Variants in SLC25A26 observed in about 807,000 individuals in gnomAD.
SLC25A26 encodes mitochondrial S-adenosylmethionine carrier protein.
A neutral mutation model predicts 37.8 loss-of-function variants in SLC25A26; 36 were observed. The observed-to-expected ratio is 0.95, with a 90% CI of 0.73 to 1.26. SLC25A26 has a LOEUF of 1.26. Ranked by LOEUF, SLC25A26 falls within the 50% of genes most tolerant of loss-of-function variation. The pLI, the probability that SLC25A26 is intolerant of heterozygous loss-of-function variation, is 0.00. For missense variants in SLC25A26, 390 were observed against 331.1 expected, an observed-to-expected ratio of 1.18 and a Z score of -1.38; for synonymous variants, 129 against 122.5, an observed-to-expected ratio of 1.05 and a Z score of -0.35.
At chr3:66,145,473 G>C (rs916506540) in intron 1 of SLC25A26, among the ~76,000 whole-genome samples, 2 of 152,206 alleles carry the variant, frequency 1.3e-5, no homozygotes, top group Non-Finnish European at 2.9e-5. Context: ...CCATGCAAGG[G>C]AGTCTAGTTA....
At chr3:66,198,383 AG>A (rs1406577303) in intron 1 of SLC25A26, among the ~76,000 whole-genome samples, 10 of 152,016 alleles carry the variant, frequency 6.6e-5, no homozygotes, top group African/African-American at 1.9e-4. Flanking sequence ...AGTGAATGTC[AG>A]GGACATAGTG....
intron 1 of SLC25A26, among the ~76,000 whole-genome samples, chr3:66,206,759 G>A (rs961249644): frequency 2.7e-5 from 4 of 149,440 alleles, no homozygotes; most frequent in Non-Finnish European, 4.4e-5. Context: ...CTGGGGTGTA[G>A]TGGCATGCAC....
At chr3:66,278,535 T>C (rs1373688556) in intron 5 of SLC25A26, among the ~76,000 whole-genome samples, 6 of 152,162 alleles carry the variant, frequency 3.9e-5, no homozygotes, top group Non-Finnish European at 8.8e-5. Context: ...TTTTAAAATT[T>C]GTCAGTAGAT....
At position 66,364,964 on chromosome 3, in the gene SLC25A26, C is replaced by A. The variant is rs2076794319; in HGVS notation, c.568+2035C>A. Among the ~76,000 whole-genome samples the A allele has an allele frequency of 2.0e-5, 3 of 152,086 alleles. 1 individual carries two copies. In the East Asian group the frequency reaches 5.8e-4, roughly 29 times the overall value. On this transcript the variant is annotated intron_variant, in intron 7 of 9. Coordinates refer to ENST00000354883, the MANE Select transcript of SLC25A26 (RefSeq NM_001379210.1). ...AGATAAATAGATTGCTTATTTATAT[C>A]CCTTATTTTGAAATTTTATTTGGTA...
intron 1 of SLC25A26, among the ~76,000 whole-genome samples, chr3:66,188,008 A>G (rs1657925758): frequency 6.6e-6 from 1 of 151,928 alleles, no homozygotes; most frequent in African/African-American, 2.4e-5. Context: ...CACTATTACC[A>G]TGTCTCTGAC....
chr3:66,314,097 T>A (rs1440420175), intron 5 of SLC25A26, among the ~76,000 whole-genome samples: 1 of 152,134 alleles, frequency 6.6e-6, no homozygotes, highest in Non-Finnish European at 1.5e-5. Flanking sequence ...CTCTTCTTGT[T>A]TGAATCCTTT....
chr3:66,291,567 T>C (rs902293051), intron 5 of SLC25A26, among the ~76,000 whole-genome samples: 7 of 152,334 alleles, frequency 4.6e-5, no homozygotes, highest in African/African-American at 1.7e-4. Context: ...TTGTAACCAG[T>C]AGTCATTCAG....
intron 1 of SLC25A26, among the ~76,000 whole-genome samples, chr3:66,157,666 C>T (rs996377219): frequency 9.2e-5 from 14 of 152,210 alleles, no homozygotes; most frequent in Admixed American, 6.5e-4. Context: ...AGCCCTATCT[C>T]TTGTACATAG....
chr3:66,227,135 C>A (rs921210567), intron 1 of SLC25A26, among the ~76,000 whole-genome samples: 1 of 152,154 alleles, frequency 6.6e-6, no homozygotes, highest in African/African-American at 2.4e-5. Flanking sequence ...TCGTTTAATG[C>A]GAAGACTTGC....
At position 66,236,714 on chromosome 3, in the gene SLC25A26, T is replaced by G. The variant is rs1428409304; in HGVS notation, c.190+14T>G. 35 of 1,493,202 alleles carry G rather than the reference T, an allele frequency of 2.3e-5. No homozygotes were observed. Among genetic ancestry groups the G allele is most frequent in the Non-Finnish European group, 2.9e-5 (32 of 1,114,768 alleles). The allele number at this position is 1,493,202 out of a possible 1,614,324, so 92.5% of individuals were successfully genotyped here. A position where few individuals can be genotyped will look rare whatever the true frequency, so the allele number is the denominator to read the frequency against. On this transcript the variant is annotated intron_variant, in intron 2 of 9. Transcript: ENST00000354883. ...CCTTTCCTAATGGTAAAAAATTATA[T>G]TCTCACTTCTGTAAAGCCAAGATAA...
chr3:66,367,582 G>A (rs1218943303), intron 7 of SLC25A26, among the ~76,000 whole-genome samples: 1 of 152,148 alleles, frequency 6.6e-6, no homozygotes, highest in East Asian at 1.9e-4. Flanking sequence ...AACCAAATCT[G>A]TTATTTTGGT....
At chr3:66,309,382 G>T (rs1444528986) in intron 5 of SLC25A26, among the ~76,000 whole-genome samples, 1 of 151,878 alleles carries the variant, frequency 6.6e-6, no homozygotes, top group Non-Finnish European at 1.5e-5. Context: ...TTTTTATTGT[G>T]TCTATTTGAT....
intron 1 of SLC25A26, among the ~76,000 whole-genome samples, chr3:66,170,223 T>C (rs528116209): frequency 6.6e-6 from 1 of 152,354 alleles, no homozygotes; most frequent in South Asian, 2.1e-4. Flanking sequence ...GCAGGAAATA[T>C]ATTTTGAAAA....
chr3:66,140,393 C>T (rs1278864647), intron 1 of SLC25A26, among the ~76,000 whole-genome samples: 1 of 152,100 alleles, frequency 6.6e-6, no homozygotes, highest in Admixed American at 6.5e-5. Flanking sequence ...GACAGCTAGA[C>T]TAGGAGAGGG....
At position 66,188,505 on chromosome 3, in the gene SLC25A26, G is replaced by A. The variant is rs996202717; in HGVS notation, c.-353-32237G>A. 1.3e-3 allele frequency among the ~76,000 whole-genome samples: 200 copies of A among 152,066 alleles called. 1 individual carries two copies. The highest frequency in any genetic ancestry group is 8.5e-4 in the Non-Finnish European group (58 of 67,984). Reference sequence around the variant, plus strand: ...GAGATCTGGTTGTTAAAAGGAGCCCGGTACCTCCCCTTCTACTCTCCCTCA... The same window carrying A: ...GAGATCTGGTTGTTAAAAGGAGCCCAGTACCTCCCCTTCTACTCTCCCTCA... On this transcript the variant is annotated intron_variant, in intron 1 of 10. Transcript: ENST00000676754.
chr3:66,228,565 C>T (rs1553661816), intron 1 of SLC25A26, among the ~76,000 whole-genome samples: 1 of 152,154 alleles, frequency 6.6e-6, no homozygotes, highest in Admixed American at 6.5e-5. Context: ...CATTTGTTGG[C>T]CTTTGCTGTG....
At chr3:66,294,699 A>C (rs924579052) in intron 5 of SLC25A26, among the ~76,000 whole-genome samples, 7 of 152,236 alleles carry the variant, frequency 4.6e-5, no homozygotes, top group Admixed American at 3.9e-4. Flanking sequence ...TTTTAAAAAA[A>C]TTCATGTAGC....
intron 2 of SLC25A26, among the ~76,000 whole-genome samples, chr3:66,240,391 G>C (rs144092126): frequency 0.042 from 6,376 of 152,212 alleles, 456 homozygotes; most frequent in African/African-American, 0.15. Context: ...CCAGGCTCAG[G>C]TGATCCTCCC....
chr3:66,250,754 G>A (rs531626110), intron 3 of SLC25A26, among the ~76,000 whole-genome samples: 20 of 152,218 alleles, frequency 1.3e-4, no homozygotes, highest in Admixed American at 1.0e-3. Context: ...TCTCCGGACT[G>A]GGGTAGATGG....
Sources: allele counts gnomAD v4.1 joint callset (sites outside exome capture counted in the v4.1 genomes callset), GRCh38; gene constraint gnomAD v4.1.1; transcripts MANE v1.5; gene names NCBI Gene and HGNC (gene_info 2026-07-23, HGNC 2026-07-21).